IGF2R: variants seen among roughly 807,000 people sequenced by gnomAD.
The protein encoded by IGF2R is cation-independent mannose-6-phosphate receptor.
In IGF2R, 91 loss-of-function variants were observed where a neutral mutation model predicts 270.6. That is an observed-to-expected ratio of 0.34 (90% CI 0.28 to 0.40). The LOEUF is 0.40. Among genes scored for constraint, IGF2R ranks in the 10% least tolerant of loss-of-function variants. IGF2R has a pLI of 1.00. For missense variants in IGF2R, 2,805 were observed against 3,188.3 expected, an observed-to-expected ratio of 0.88 and a Z score of 2.90; for synonymous variants, 1,316 against 1,258.9, an observed-to-expected ratio of 1.05 and a Z score of -0.96.
Position 160,024,556 on chromosome 6 carries a change from T to C in IGF2R, c.514-16T>C, listed in dbSNP as rs1286258643. 7 of 1,613,544 alleles carry C rather than the reference T, an allele frequency of 4.3e-6. No individual in the cohort carries two copies. Among genetic ancestry groups the C allele is most frequent in the Non-Finnish European group, 5.9e-6 (7 of 1,179,722 alleles). On this transcript the variant is annotated splice_polypyrimidine_tract_variant and intron_variant, in intron 4 of 47. Transcript: ENST00000356956. ...GATGTATACTGAAGACTCACTTTTT[T>C]CTTCCTCCCTTCCAGGTGCCATGCT...
intron 32 of IGF2R, among the ~76,000 whole-genome samples, chr6:160,072,352 A>G (rs1778760441): frequency 6.6e-6 from 1 of 152,170 alleles, no homozygotes; most frequent in East Asian, 1.9e-4. Context: ...AGGGCAGGTT[A>G]GAGCTAGCCC....
chr6:160,033,187 A>T (rs1234988152), intron 9 of IGF2R, 80 bp downstream of exon 9: 1 of 983,462 alleles, frequency 1.0e-6, no homozygotes, highest in African/African-American at 1.6e-5. Context: ...CCCAGGCTAG[A>T]CTGCAGTGGT....
chr6:160,096,593 C>T lies in IGF2R; in HGVS notation c.6810C>T (p.Phe2270=), dbSNP rs1278059400. ...AGACTGCCGACTGCCAGTACCTCTT[C>T]TCTTGGTACACCTCAGCCGTGTGTC... ...SHETADCQYL[F]SWYTSAVCPL... is the part of the protein sequence containing the mutation. The change falls in exon 45 of 48, where the codon TTC becomes TTT. Residue 2270 remains phenylalanine (F), a synonymous_variant. Coordinates refer to ENST00000356956, the MANE Select transcript of IGF2R (RefSeq NM_000876.4). 1.9e-6 allele frequency: 3 copies of T among 1,613,998 alleles called. No homozygotes were observed. The highest frequency in any genetic ancestry group is 1.7e-5 in the Admixed American group (1 of 60,006).
chr6:160,069,270 C>G (rs1778661988), intron 30 of IGF2R, among the ~76,000 whole-genome samples: 1 of 152,160 alleles, frequency 6.6e-6, no homozygotes, highest in Admixed American at 6.5e-5. Flanking sequence ...GAGTTTCATA[C>G]AGCCCCACCT....
chr6:160,062,590 T>G lies in IGF2R; in HGVS notation c.3641T>G (p.Val1214Gly). ...GAGTACGTGTTTATCTGGAGAACTG[T>G]GGAAGCCTGTCCCGTTGTCAGAGTG... is the stretch of plus-strand genomic sequence containing the variant. ...GCEYVFIWRT[V>G]EACPVVRVEG... The change falls in exon 26 of 48, where the codon GTG becomes GGG. Residue 1214 changes from valine to glycine, a missense_variant. By Grantham distance (109) the Val-to-Gly change is moderately radical (BLOSUM62 -3). This residue lies in a region of IGF2R where 1,851 missense variants were observed against 2,207.2 expected (regional missense o/e 0.84). Coordinates refer to ENST00000356956, the MANE Select transcript of IGF2R (RefSeq NM_000876.4). 6.2e-7 allele frequency: 1 copy of G among 1,613,924 alleles called. No homozygotes were observed. The highest frequency in any genetic ancestry group is 8.5e-7 in the Non-Finnish European group (1 of 1,179,824).
chr6:159,993,101 C>T (rs1339448447), intron 2 of IGF2R, among the ~76,000 whole-genome samples: 1 of 151,956 alleles, frequency 6.6e-6, no homozygotes, highest in Admixed American at 6.6e-5. Context: ...TAAAGGGGTT[C>T]TTTTTTTCTT....
At chr6:159,997,824 A>G (rs1354194021) in intron 2 of IGF2R, among the ~76,000 whole-genome samples, 2 of 152,116 alleles carry the variant, frequency 1.3e-5, no homozygotes, top group Non-Finnish European at 2.9e-5. Flanking sequence ...AGAAACCCCC[A>G]CTTGTCATTT....
rs780339443 is a variant in IGF2R at position 160,104,748 on chromosome 6, G to A, written c.7140G>A (p.Arg2380=). Residue 2380 remains arginine, a synonymous_variant, in exon 48 of 48, where the codon CGG becomes CGA. Transcript: ENST00000356956. ...AAGAGATCCAGCTGCCTCCTCCACG[G>A]CAGGGAAAGGAAGGGCAGGAGAACG... The part of the protein sequence containing the change: ...LMEEIQLPPP[R]QGKEGQENGH... The A allele has an allele frequency of 1.1e-5, 18 of 1,614,106 alleles. No homozygotes were observed. In the East Asian group the frequency reaches 3.3e-4, roughly 30 times the overall value.
chr6:160,093,550 G>C (rs975974735), intron 44 of IGF2R: 2 of 639,592 alleles, frequency 3.1e-6, no homozygotes, highest in Non-Finnish European at 5.9e-6. Context: ...GGAGAGAACA[G>C]GACGATTTCC....
chr6:159,992,447 A>G (rs544925779), intron 2 of IGF2R, among the ~76,000 whole-genome samples: 1 of 152,276 alleles, frequency 6.6e-6, no homozygotes, highest in South Asian at 2.1e-4. Context: ...GTTTCTACTT[A>G]TAAGTGAGAA....
Position 160,064,552 on chromosome 6 carries a change from C to T in IGF2R, c.4017+21C>T, listed in dbSNP as rs368247239. 133 of 1,613,008 alleles carry T rather than the reference C, an allele frequency of 8.2e-5. No individual in the cohort carries two copies. In the African/African-American group the frequency reaches 1.4e-3, roughly 17 times the overall value. ...AGCGGGTGAGCATGTACCGACGGCC[C>T]TCAGCGGGGTCTTCTCCCCACCCTC... On this transcript the variant is annotated intron_variant, in intron 28 of 47. Coordinates refer to ENST00000356956, the MANE Select transcript of IGF2R (RefSeq NM_000876.4).
At chr6:160,018,268 A>G (rs926052481) in intron 4 of IGF2R, among the ~76,000 whole-genome samples, 4 of 152,200 alleles carry the variant, frequency 2.6e-5, no homozygotes, top group Admixed American at 2.6e-4. Flanking sequence ...AAGGAAAAAG[A>G]TGGTCATTAT....
At position 160,102,729 on chromosome 6, in the gene IGF2R, T is replaced by A. The variant is rs1258006769; in HGVS notation, c.6995+58T>A. 1.1e-5 allele frequency: 17 copies of A among 1,511,668 alleles called. No individual in the cohort carries two copies. Among genetic ancestry groups the A allele is most frequent in the Non-Finnish European group, 1.5e-5 (17 of 1,114,860 alleles). 93.6% of individuals were successfully genotyped at this position (1,511,668 alleles called of 1,614,324 possible). A position where few individuals can be genotyped will look rare whatever the true frequency, so the allele number is the denominator to read the frequency against. On this transcript the variant is annotated intron_variant, in intron 46 of 47. Coordinates refer to ENST00000356956, the MANE Select transcript of IGF2R (RefSeq NM_000876.4). This position sits in a 1 kb window ranked among gnomAD's most constrained non-coding sequence, Gnocchi z 4.5. ...GGATGCATGCCTCCCATAGCTAATC[T>A]TGGGGTCAGTTTTGTGGGGTTTTAT...
chr6:160,068,056 C>G (rs1281304471), intron 29 of IGF2R, among the ~76,000 whole-genome samples, 193 bp from the exon 30 acceptor site: 1 of 133,428 alleles, frequency 7.5e-6, no homozygotes, highest in African/African-American at 3.0e-5. Context: ...GTTGCTGATT[C>G]TGATGGGGGG....
chr6:160,073,110 T>C, intron 33 of IGF2R, 103 bp from the exon 34 acceptor site: 1 of 1,480,866 alleles, frequency 6.8e-7, no homozygotes, highest in Non-Finnish European at 9.2e-7. Flanking sequence ...AAGTTATAAG[T>C]GTTGGCTATG....
chr6:160,071,164 G>A (rs1778719256), intron 31 of IGF2R, among the ~76,000 whole-genome samples: 1 of 151,550 alleles, frequency 6.6e-6, no homozygotes, highest in Non-Finnish European at 1.5e-5. Context: ...CCAGGAGGCT[G>A]GGAGGGAAAG....
intron 16 of IGF2R, among the ~76,000 whole-genome samples, 155 bp from the exon 17 acceptor site, chr6:160,047,637 G>A (rs2282139): frequency 0.11 from 16,705 of 152,220 alleles, 1,383 homozygotes; most frequent in East Asian, 0.32. Flanking sequence ...TTACTGGACA[G>A]TCTTCTTTTT....
At chr6:160,051,947 C>T (rs541062808) in intron 19 of IGF2R, among the ~76,000 whole-genome samples, 1 of 150,204 alleles carries the variant, frequency 6.7e-6, no homozygotes, top group East Asian at 2.0e-4. Context: ...AAGCGAGCCC[C>T]TGTCTCAAAA....
intron 16 of IGF2R, 85 bp downstream of exon 16, chr6:160,047,421 C>A: frequency 8.2e-7 from 1 of 1,214,684 alleles, no homozygotes; most frequent in Non-Finnish European, 1.1e-6. Context: ...TTGTATCAGT[C>A]TGGGTTTCCA....
Sources: gnomAD v4.1 joint callset for allele counts (sites outside exome capture counted in the v4.1 genomes callset) on GRCh38, gnomAD v4.1.1 for gene constraint, gnomAD v4.1.1 regional missense constraint, Gnocchi (gnomAD v3.1) non-coding constraint, MANE v1.5 for transcripts, NCBI Gene and HGNC (gene_info 2026-07-23, HGNC 2026-07-21) for gene names.